Variants in CNTNAP2 observed in about 807,000 individuals in gnomAD.
CNTNAP2 encodes the protein contactin associated protein 2, also known as contactin-associated protein-like 2.
In CNTNAP2, 98 loss-of-function variants were observed where a neutral mutation model predicts 155.2. That is an observed-to-expected ratio of 0.63 (90% CI 0.54 to 0.75). The LOEUF is 0.75. Among genes scored for constraint, CNTNAP2 ranks in the 30% least tolerant of loss-of-function variants. CNTNAP2 has a pLI of 0.00. For synonymous variants in CNTNAP2, 651 were observed against 631.2 expected (o/e 1.03, Z -0.47); for missense variants, 1,727 against 1,688.1 (o/e 1.02, Z -0.40).
intron 1 of CNTNAP2, among the ~76,000 whole-genome samples, chr7:146,726,508 A>G (rs1453317351): frequency 6.6e-6 from 1 of 152,190 alleles, no homozygotes; most frequent in Non-Finnish European, 1.5e-5. Flanking sequence ...TTGCTAAGCA[A>G]TTACGTAAAT....
chr7:146,388,725 A>G (rs185012807), intron 1 of CNTNAP2, among the ~76,000 whole-genome samples: 1 of 152,166 alleles, frequency 6.6e-6, no homozygotes, highest in Admixed American at 6.5e-5. Context: ...ATTTTTTTGT[A>G]CCTGTTAACC....
chr7:147,982,055 A>T (rs989048200), intron 15 of CNTNAP2, among the ~76,000 whole-genome samples: 2 of 152,222 alleles, frequency 1.3e-5, no homozygotes, highest in African/African-American at 4.8e-5. Flanking sequence ...ATATGTAATC[A>T]TCTTTGCAGA....
chr7:147,587,218 G>A (rs151278307), intron 12 of CNTNAP2, among the ~76,000 whole-genome samples: 23 of 152,236 alleles, frequency 1.5e-4, no homozygotes, highest in Non-Finnish European at 2.6e-4. Flanking sequence ...GTGAATTAGC[G>A]TCGTGAATAA....
intron 4 of CNTNAP2, among the ~76,000 whole-genome samples, chr7:147,074,913 A>G (rs953477953): frequency 6.6e-6 from 1 of 151,884 alleles, no homozygotes; most frequent in African/African-American, 2.4e-5. Context: ...CTTCTGAAGC[A>G]TTTTTTTTAA....
rs1799306507 is a variant in CNTNAP2, at chr7:147,043,963, G to A, written c.459G>A (p.Pro153=). The A allele has an allele frequency of 1.2e-6, 2 of 1,614,054 alleles. No homozygotes were observed. Among genetic ancestry groups the A allele is most frequent in the African/African-American group, 1.3e-5 (1 of 74,920 alleles). ...DGVVRHELQH[P]IIARYVRIVP... Reference sequence around the variant, plus strand: ...TGGTCCGGCACGAATTACAGCATCCGATTATTGCCCGCTATGTGCGCATAG... The same window carrying A: ...TGGTCCGGCACGAATTACAGCATCCAATTATTGCCCGCTATGTGCGCATAG... The change falls in exon 4 of 24, where the codon CCG becomes CCA. Residue 153 remains proline, a synonymous_variant. Coordinates refer to ENST00000361727, the MANE Select transcript of CNTNAP2 (RefSeq NM_014141.6).
chr7:147,837,823 C>G (rs1050101701), intron 13 of CNTNAP2, among the ~76,000 whole-genome samples: 24 of 152,214 alleles, frequency 1.6e-4, no homozygotes, highest in Admixed American at 4.6e-4. Context: ...CCGGGTCACA[C>G]TGATGGTGGG....
intron 3 of CNTNAP2, among the ~76,000 whole-genome samples, chr7:146,972,352 G>A (rs1019310488): frequency 1.3e-5 from 2 of 151,866 alleles, no homozygotes; most frequent in Non-Finnish European, 2.9e-5. Flanking sequence ...CAATACAGAG[G>A]AAAGCTTATT....
In CNTNAP2 at chr7:147,954,347, C is replaced by T. The variant is rs574447409; in HGVS notation, c.2256-23515C>T. ...ATTGCAGGAAGCAGCTCACAAGTGA[C>T]CTAGCATTAAAGATAATAAAAGCTA... is the stretch of plus-strand genomic sequence containing the variant. On this transcript the variant is annotated intron_variant, in intron 14 of 23. Coordinates refer to ENST00000361727, the MANE Select transcript of CNTNAP2 (RefSeq NM_014141.6). Among the ~76,000 whole-genome samples, 202 of 151,966 alleles carry T rather than the reference C, an allele frequency of 1.3e-3. 1 individual carries two copies. Among genetic ancestry groups the T allele is most frequent in the African/African-American group, 4.6e-3 (191 of 41,470 alleles).
intron 12 of CNTNAP2, among the ~76,000 whole-genome samples, chr7:147,577,941 T>C (rs544668203): frequency 4.8e-4 from 73 of 152,174 alleles, no homozygotes; most frequent in African/African-American, 1.7e-3. Context: ...ATACACAGTA[T>C]TCATTTTTAA....
At chr7:146,406,809 T>C (rs1319015478) in intron 1 of CNTNAP2, among the ~76,000 whole-genome samples, 1 of 152,172 alleles carries the variant, frequency 6.6e-6, no homozygotes, top group Non-Finnish European at 1.5e-5. Flanking sequence ...GCTATCATCC[T>C]TAGATCTGAA....
At chr7:147,134,539 A>G (rs1175078326) in intron 8 of CNTNAP2, among the ~76,000 whole-genome samples, 1 of 151,790 alleles carries the variant, frequency 6.6e-6, no homozygotes, top group Non-Finnish European at 1.5e-5. Context: ...ATACACACAT[A>G]CATACATAGT....
chr7:146,240,809 G>A (rs1045570737), intron 1 of CNTNAP2, among the ~76,000 whole-genome samples: 16 of 151,866 alleles, frequency 1.1e-4, no homozygotes, highest in African/African-American at 3.6e-4. Context: ...AATGTCATTA[G>A]CCCGTTCTTG....
intron 15 of CNTNAP2, among the ~76,000 whole-genome samples, chr7:148,045,644 G>A (rs544824303): frequency 2.6e-5 from 4 of 152,308 alleles, no homozygotes; most frequent in Admixed American, 1.3e-4. Flanking sequence ...ATTTCGCTAC[G>A]CCTTAGGCAA....
intron 1 of CNTNAP2, among the ~76,000 whole-genome samples, chr7:146,756,983 A>G (rs1802005739): frequency 6.6e-6 from 1 of 152,148 alleles, no homozygotes; most frequent in African/African-American, 2.4e-5. Context: ...TCAGAATTGT[A>G]AAATGTGATC....
intron 8 of CNTNAP2, among the ~76,000 whole-genome samples, chr7:147,168,845 A>G (rs1193689467): frequency 2.0e-5 from 3 of 152,138 alleles, no homozygotes; most frequent in Non-Finnish European, 4.4e-5. Context: ...AAGCTCTTCT[A>G]TAAATATTGA....
intron 12 of CNTNAP2, among the ~76,000 whole-genome samples, chr7:147,598,519 T>C (rs540963193): frequency 6.6e-6 from 1 of 152,298 alleles, no homozygotes; most frequent in South Asian, 2.1e-4. Flanking sequence ...AACTCATTCT[T>C]TTTTATGGCT....
chr7:146,356,308 C>A (rs934578401), intron 1 of CNTNAP2, among the ~76,000 whole-genome samples: 1 of 152,160 alleles, frequency 6.6e-6, no homozygotes, highest in African/African-American at 2.4e-5. Flanking sequence ...CTTTAAGATG[C>A]TGGTTTTTTA....
At chr7:147,852,239 G>A (rs1798958799) in intron 13 of CNTNAP2, among the ~76,000 whole-genome samples, 1 of 152,124 alleles carries the variant, frequency 6.6e-6, no homozygotes, top group South Asian at 2.1e-4. Flanking sequence ...AACACTCTTA[G>A]TTATAGCCCC....
chr7:147,176,721 T>TTATAATATATAATTATA (rs1802348671), intron 8 of CNTNAP2, among the ~76,000 whole-genome samples: 2 of 75,308 alleles, frequency 2.7e-5, no homozygotes, highest in African/African-American at 3.8e-5. Context: ...TAGAATTATA[T>TTATAATATATAATTATA]ATTATATATA....
Sources: allele counts gnomAD v4.1 joint callset (sites outside exome capture counted in the v4.1 genomes callset), GRCh38; gene constraint gnomAD v4.1.1; transcripts MANE v1.5; gene names NCBI Gene and HGNC (gene_info 2026-07-23, HGNC 2026-07-21).